RIPOR2: variants seen among roughly 807,000 people sequenced by gnomAD.
The protein encoded by RIPOR2 is RHO family interacting cell polarization regulator 2, also known as rho family-interacting cell polarization regulator 2.
RIPOR2 carries 39 observed loss-of-function variants against 114.5 expected under a neutral mutation model. The observed-to-expected ratio is 0.34, with a 90% CI of 0.26 to 0.44. RIPOR2 has a LOEUF of 0.44. Ranked by LOEUF, RIPOR2 falls within the 20% of genes least tolerant of loss-of-function variation. The probability of loss-of-function intolerance (pLI) is 1.00; values close to 1 mark genes in which losing one functional copy is unlikely to be tolerated. For missense variants in RIPOR2, 1,007 were observed against 1,255.1 expected (o/e 0.80, Z 2.99); for synonymous variants, 445 against 484.4 (o/e 0.92, Z 1.07).
At chr6:25,034,220 A>G (rs303028) in intron 1 of RIPOR2, among the ~76,000 whole-genome samples, 36,094 of 151,090 alleles carry the variant, frequency 0.24, 4,782 homozygotes, top group Middle Eastern at 0.34. Context: ...TTTTTATACA[A>G]CATGCGCATA....
intron 1 of RIPOR2, among the ~76,000 whole-genome samples, chr6:25,013,055 G>A (rs1479832181): frequency 2.0e-5 from 3 of 151,472 alleles, no homozygotes; most frequent in Admixed American, 1.3e-4. Flanking sequence ...TTCCAGAGAG[G>A]TGAGCATCTG....
rs536536614 is a variant in RIPOR2, at chr6:25,039,904, C to CAAATTGT, written c.76+1940_76+1946dup. The stretch of plus-strand genomic sequence containing the variant: ...AGAAAAAGAAGTATTTTGCTTGATG[C>CAAATTGT]AAATTGTTTGCTTGTCTTTGAATTG... On this transcript the variant is annotated intron_variant, in intron 1 of 13. Transcript: ENST00000510784. Among the ~76,000 whole-genome samples, 376 of 152,324 alleles carry CAAATTGT rather than the reference C, an allele frequency of 2.5e-3. 2 individuals carry two copies. The highest frequency in any genetic ancestry group is 4.1e-3 in the Non-Finnish European group (280 of 68,040).
intron 1 of RIPOR2, among the ~76,000 whole-genome samples, chr6:24,948,538 T>TTCTTTC (rs1189057774): frequency 6.8e-6 from 1 of 148,006 alleles, no homozygotes; most frequent in Non-Finnish European, 1.5e-5. Context: ...TCTTTCTTTT[T>TTCTTTC]TTTTTTTTTT....
chr6:25,014,866 C>T (rs577272147), intron 1 of RIPOR2: 6 of 152,148 alleles, frequency 3.9e-5, no homozygotes, highest in South Asian at 2.1e-4. Flanking sequence ...GAGAAGGGCC[C>T]GAGGGATCAT....
intron 1 of RIPOR2, among the ~76,000 whole-genome samples, chr6:24,923,984 GGT>G (rs1327277712): frequency 2.6e-5 from 4 of 152,120 alleles, no homozygotes; most frequent in Admixed American, 2.6e-4. Flanking sequence ...AATGTGCATG[GGT>G]GTGTGTGGCA....
intron 7 of RIPOR2, among the ~76,000 whole-genome samples, chr6:24,865,084 A>G (rs765366685): frequency 1.3e-5 from 2 of 152,108 alleles, no homozygotes; most frequent in Non-Finnish European, 2.9e-5. Flanking sequence ...AATAACTAGG[A>G]CTACAGGCAC....
At chr6:24,915,354 C>CTT (rs571125440) in intron 1 of RIPOR2, among the ~76,000 whole-genome samples, 8 of 132,894 alleles carry the variant, frequency 6.0e-5, no homozygotes, top group Non-Finnish European at 8.0e-5. Flanking sequence ...TCTGTCTGTA[C>CTT]TTTTTTTTTT....
intron 1 of RIPOR2, among the ~76,000 whole-genome samples, chr6:24,927,951 G>A (rs1581819529): frequency 2.0e-5 from 3 of 152,140 alleles, no homozygotes; most frequent in Non-Finnish European, 4.4e-5. Flanking sequence ...ACCCAATACA[G>A]CAATATGGTT....
At chr6:24,913,839 G>A (rs902147618) in intron 1 of RIPOR2, among the ~76,000 whole-genome samples, 10 of 151,996 alleles carry the variant, frequency 6.6e-5, no homozygotes, top group South Asian at 4.2e-4. Flanking sequence ...CAGATATCTC[G>A]GCTGGGTCCT....
At chr6:24,863,115 G>A (rs1219710296) in intron 7 of RIPOR2, among the ~76,000 whole-genome samples, 1 of 151,982 alleles carries the variant, frequency 6.6e-6, no homozygotes, top group Admixed American at 6.6e-5. Flanking sequence ...ACCACGCCCG[G>A]CTAATTTTTG....
Position 24,979,302 on chromosome 6 carries a change from T to G in RIPOR2, c.76+62549A>C, listed in dbSNP as rs1581905831. Among the ~76,000 whole-genome samples the G allele has an allele frequency of 3.6e-5, 5 of 138,634 alleles. No individual in the cohort carries two copies. The South Asian group carries it at 7.4e-4, about 20-fold the overall frequency. The allele number at this position is 138,634 out of a possible 152,430, so 90.9% of individuals were successfully genotyped here. On this transcript the variant is annotated intron_variant, in intron 1 of 13. Coordinates refer to the RIPOR2 transcript ENST00000510784. The stretch of plus-strand genomic sequence containing the variant: ...GAAATTCTTTTTTTTTTTTTTTTTT[T>G]TTTGCTGTTTCCTTAGCCCTGACAT...
chr6:24,964,526 T>C (rs564720169), intron 1 of RIPOR2, among the ~76,000 whole-genome samples: 9 of 152,310 alleles, frequency 5.9e-5, no homozygotes, highest in South Asian at 2.1e-4. Context: ...CCATAGTTTG[T>C]TTAGCAATTC....
chr6:24,847,994 G>A, intron 12 of RIPOR2, 31 bp downstream of exon 12: 1 of 1,613,538 alleles, frequency 6.2e-7, no homozygotes, highest in South Asian at 1.1e-5. Context: ...CAGGTGCATT[G>A]ATTCTACTCG....
At chr6:24,912,988 A>C (rs1416976093) in intron 1 of RIPOR2, among the ~76,000 whole-genome samples, 1 of 152,220 alleles carries the variant, frequency 6.6e-6, no homozygotes, top group Non-Finnish European at 1.5e-5. Flanking sequence ...TGAACAAGTA[A>C]CTTCCTGATG....
chr6:24,907,952 T>C (rs1369070874), intron 1 of RIPOR2, among the ~76,000 whole-genome samples: 1 of 152,140 alleles, frequency 6.6e-6, no homozygotes, highest in African/African-American at 2.4e-5. Context: ...GTGACTGGGC[T>C]ATCTGTACCT....
At chr6:24,932,015 GTCA>G (rs1470512711) in intron 1 of RIPOR2, 6 of 152,778 alleles carry the variant, frequency 3.9e-5, no homozygotes, top group South Asian at 2.1e-4. Context: ...CATCATCATT[GTCA>G]TCATCATCAT....
At position 24,915,245 on chromosome 6, in the gene RIPOR2, A is replaced by C. The variant is rs539900721; in HGVS notation, c.61+20593T>G. ...TATGGCTTGGAATGCTGCCAGTTCT[A>C]AGAGTTTTGCACTCCTTTCTAATAG... On this transcript the variant is annotated intron_variant, in intron 1 of 21. Transcript: ENST00000643898. 6.7e-4 allele frequency among the ~76,000 whole-genome samples: 102 copies of C among 152,256 alleles called. No individual in the cohort carries two copies. In the South Asian group the frequency reaches 0.011, roughly 17 times the overall value.
chr6:24,963,844 G>A (rs1773408905), intron 1 of RIPOR2, among the ~76,000 whole-genome samples: 1 of 151,758 alleles, frequency 6.6e-6, no homozygotes. Flanking sequence ...CATACCTTAT[G>A]TTTTCTTTTT....
intron 1 of RIPOR2, among the ~76,000 whole-genome samples, chr6:24,974,564 G>T (rs1168399909): frequency 6.6e-6 from 1 of 152,164 alleles, no homozygotes; most frequent in Admixed American, 6.5e-5. Context: ...CATTGCTGGT[G>T]GGAATGTAAA....
Sources: gnomAD v4.1 joint callset for allele counts (sites outside exome capture counted in the v4.1 genomes callset) on GRCh38, gnomAD v4.1.1 for gene constraint, MANE v1.5 for transcripts, NCBI Gene and HGNC (gene_info 2026-07-23, HGNC 2026-07-21) for gene names.